The following CGNL1 variants were observed in gnomAD, a reference collection of about 807,000 sequenced individuals.
The protein encoded by CGNL1 is cingulin like 1.
Under a neutral mutation model 141.2 loss-of-function variants are expected in CGNL1, and 132 were observed. The observed-to-expected ratio is 0.93, with a 90% CI of 0.81 to 1.08. The LOEUF is 1.08. CGNL1 is among the 50% of genes least tolerant of loss of function. The probability of loss-of-function intolerance (pLI) is 0.00; values close to 1 mark genes in which losing one functional copy is unlikely to be tolerated. For missense variants in CGNL1, 1,870 were observed against 1,588.6 expected, an observed-to-expected ratio of 1.18 and a Z score of -3.01; for synonymous variants, 690 against 622.1, an observed-to-expected ratio of 1.11 and a Z score of -1.63.
rs1169941271 is a variant in CGNL1 at position 57,440,393 on chromosome 15, T to G, written c.1619T>G (p.Leu540Ter). The change falls in exon 3 of 19, where the codon TTA (leucine) becomes TGA (stop). Residue 540 changes from leucine to a stop codon, truncating the protein, a stop_gained. Transcript: ENST00000281282. LOFTEE classifies it high-confidence loss of function. ...ATGTTCCAGGCCACACCGGATCTCTTAAAGGGCCAGCAAGAGCTCACTCAG... is the reference window on the plus strand; with the variant it reads ...ATGTTCCAGGCCACACCGGATCTCTGAAAGGGCCAGCAAGAGCTCACTCAG... ...ASNTQATPDLLKGQQELTQQT... is the reference protein window; with the variant it reads ...ASNTQATPDL 1 of 1,601,512 alleles carries G rather than the reference T, an allele frequency of 6.2e-7. No individual in the cohort carries two copies.
intron 1 of CGNL1, among the ~76,000 whole-genome samples, chr15:57,428,678 G>A (rs2063007696): frequency 6.6e-6 from 1 of 152,168 alleles, no homozygotes; most frequent in South Asian, 2.1e-4. Context: ...CATAGGTGAA[G>A]GGAGACAGAT....
At position 57,439,276 on chromosome 15, in the gene CGNL1, C is replaced by T. The variant is rs1238920434; in HGVS notation, c.1277C>T (p.Pro426Leu). The change falls in exon 2 of 19, where the codon CCG becomes CTG. Residue 426 changes from proline to leucine, a missense_variant. Pro to Leu is a moderately conservative substitution (Grantham distance 98). Coordinates refer to ENST00000281282, the MANE Select transcript of CGNL1 (RefSeq NM_032866.5). ...EHLLRPSQVC[P>L]QRPLSQERRG... ...CTCCTCCGGCCTTCCCAGGTGTGCCCGCAGCGGCCACTGTCTCAGGAGCGC... is the reference window on the plus strand; with the variant it reads ...CTCCTCCGGCCTTCCCAGGTGTGCCTGCAGCGGCCACTGTCTCAGGAGCGC... The T allele has an allele frequency of 3.7e-6, 6 of 1,613,864 alleles. No individual in the cohort carries two copies. Among genetic ancestry groups the T allele is most frequent in the African/African-American group, 2.7e-5 (2 of 74,900 alleles).
At chr15:57,547,290 T>A in intron 18 of CGNL1, 65 bp from the exon 19 acceptor site, 7 of 1,585,014 alleles carry the variant, frequency 4.4e-6, no homozygotes, top group Non-Finnish European at 6.0e-6. Context: ...ACCCTCCCTT[T>A]AAGTCCAAAT....
intron 10 of CGNL1, among the ~76,000 whole-genome samples, chr15:57,519,183 G>A (rs1167250396): frequency 6.6e-6 from 1 of 152,214 alleles, no homozygotes; most frequent in Non-Finnish European, 1.5e-5. Flanking sequence ...ACCTCCGGGT[G>A]ATGCAGGTGT....
At chr15:57,490,796 C>T (rs948996434) in intron 8 of CGNL1, among the ~76,000 whole-genome samples, 2 of 152,132 alleles carry the variant, frequency 1.3e-5, no homozygotes, top group African/African-American at 2.4e-5. Flanking sequence ...ACCTGATAAA[C>T]ATTACGTCAG....
chr15:57,399,998 CTT>C (rs10532752), intron 1 of CGNL1, among the ~76,000 whole-genome samples: 74,925 of 144,234 alleles, frequency 0.52, 19,374 homozygotes, highest in Middle Eastern at 0.57. Flanking sequence ...TTTCTAATAC[CTT>C]TTTTTTTTTT....
chr15:57,423,217 A>G (rs142882693), intron 1 of CGNL1, among the ~76,000 whole-genome samples: 19 of 152,314 alleles, frequency 1.2e-4, no homozygotes, highest in African/African-American at 4.6e-4. Context: ...AACTCAGACA[A>G]CAGGCAACAG....
At chr15:57,472,931 G>A (rs1483074940) in intron 8 of CGNL1, among the ~76,000 whole-genome samples, 1 of 152,192 alleles carries the variant, frequency 6.6e-6, no homozygotes, top group African/African-American at 2.4e-5. Flanking sequence ...AGCAGAGAAA[G>A]TAACGTAGTG....
rs576571969 is a variant in CGNL1, at chr15:57,452,441, G to A, written c.2054+152G>A. 78 of 686,196 alleles carry A rather than the reference G, an allele frequency of 1.1e-4. No homozygotes were observed. The Middle Eastern group carries it at 3.2e-3, about 28-fold the overall frequency. The allele number at this position is 686,196 out of a possible 1,614,324, so 42.5% of individuals were successfully genotyped here. On this transcript the variant is annotated intron_variant, in intron 6 of 18. Coordinates refer to ENST00000281282, the MANE Select transcript of CGNL1 (RefSeq NM_032866.5). ...CTTCCTCTTATCTTTGTAAAATTAT[G>A]AAGCTGGCGACACATGTAGACTGAT... is the stretch of plus-strand genomic sequence containing the variant.
intron 12 of CGNL1, 37 bp from the exon 13 acceptor site, chr15:57,528,617 C>T (rs374907876): frequency 1.9e-6 from 3 of 1,608,936 alleles, no homozygotes; most frequent in Non-Finnish European, 8.5e-7. Flanking sequence ...GCTCTTGATG[C>T]ACCCCAGAAA....
At chr15:57,454,184 G>A (rs78778873) in intron 7 of CGNL1, among the ~76,000 whole-genome samples, 1 of 152,066 alleles carries the variant, frequency 6.6e-6, no homozygotes, top group African/African-American at 2.4e-5. Context: ...CCATTTAGGT[G>A]TTTGATGTTT....
chr15:57,528,589 G>A (rs1027312678), intron 12 of CGNL1, 65 bp from the exon 13 acceptor site: 20 of 1,551,474 alleles, frequency 1.3e-5, no homozygotes, highest in Non-Finnish European at 1.8e-5. Context: ...CCTGTGCACT[G>A]TCTGTGGAGG....
chr15:57,543,830 C>T lies in CGNL1; in HGVS notation c.3375+51C>T, dbSNP rs776976055. On this transcript the variant is annotated intron_variant, in intron 15 of 18. Coordinates refer to ENST00000281282, the MANE Select transcript of CGNL1 (RefSeq NM_032866.5). ...CCCCCCCGTCCATCCGCTAACCCTCCCCCACTTCACTGCTTTGAACTAGAA... is the reference window on the plus strand; with the variant it reads ...CCCCCCCGTCCATCCGCTAACCCTCTCCCACTTCACTGCTTTGAACTAGAA... The T allele has an allele frequency of 5.1e-6, 7 of 1,363,500 alleles. No individual in the cohort carries two copies. The East Asian group carries it at 1.4e-4, about 27-fold the overall frequency. 84.5% of individuals were successfully genotyped at this position (1,363,500 alleles called of 1,614,324 possible).
chr15:57,445,481 A>G (rs1194753584), intron 4 of CGNL1, among the ~76,000 whole-genome samples: 1 of 152,226 alleles, frequency 6.6e-6, no homozygotes, highest in African/African-American at 2.4e-5. Flanking sequence ...AGAATGTAAG[A>G]ACCCTCTCCC....
intron 8 of CGNL1, among the ~76,000 whole-genome samples, chr15:57,481,098 A>G (rs2063720680): frequency 6.9e-6 from 1 of 145,510 alleles, no homozygotes; most frequent in Non-Finnish European, 1.5e-5. Flanking sequence ...AAGATGGGCA[A>G]AGTTTAAAAA....
Position 57,496,153 on chromosome 15 carries a change from C to T in CGNL1, c.2404-20627C>T, listed in dbSNP as rs150619071. On this transcript the variant is annotated intron_variant, in intron 8 of 18. Coordinates refer to ENST00000281282, the MANE Select transcript of CGNL1 (RefSeq NM_032866.5). ...GACAGGCTTACCAAGGCGACAAATACATTAAAAACAAAACAAAACCCTCCA... is the reference window on the plus strand; with the variant it reads ...GACAGGCTTACCAAGGCGACAAATATATTAAAAACAAAACAAAACCCTCCA... 2.2e-4 allele frequency among the ~76,000 whole-genome samples: 33 copies of T among 152,252 alleles called. No individual in the cohort carries two copies. In the East Asian group the frequency reaches 4.4e-3, roughly 21 times the overall value.
At chr15:57,396,692 T>G (rs75838359) in intron 1 of CGNL1, among the ~76,000 whole-genome samples, 42 of 152,298 alleles carry the variant, frequency 2.8e-4, no homozygotes, top group East Asian at 1.7e-3. Context: ...TGAAACTGTT[T>G]TCTACACTCC....
chr15:57,413,755 G>A (rs1406139248), intron 1 of CGNL1, among the ~76,000 whole-genome samples: 2 of 152,290 alleles, frequency 1.3e-5, no homozygotes, highest in South Asian at 2.1e-4. Context: ...GATCCCTTTT[G>A]ACCTTTTTGA....
chr15:57,451,895 C>A (rs2063326754), intron 5 of CGNL1, among the ~76,000 whole-genome samples: 1 of 152,096 alleles, frequency 6.6e-6, no homozygotes, highest in African/African-American at 2.4e-5. Context: ...TGAACTAAAT[C>A]ATAGAAATAG....
Sources: gnomAD v4.1 joint callset for allele counts (sites outside exome capture counted in the v4.1 genomes callset) on GRCh38, gnomAD v4.1.1 for gene constraint, MANE v1.5 for transcripts, NCBI Gene and HGNC (gene_info 2026-07-23, HGNC 2026-07-21) for gene names.